The following NTRK3 variants were observed in gnomAD, a reference collection of about 807,000 sequenced individuals.
NTRK3 encodes the protein neurotrophic receptor tyrosine kinase 3.
Under a neutral mutation model 91.7 loss-of-function variants are expected in NTRK3, and 24 were observed. The observed-to-expected ratio is 0.26, with a 90% confidence interval of 0.19 to 0.37. The LOEUF (loss-of-function observed/expected upper bound fraction) is 0.37. NTRK3 is among the 10% of genes least tolerant of loss of function. The pLI, the probability that NTRK3 is intolerant of heterozygous loss-of-function variation, is 1.00. For synonymous variants in NTRK3, 483 were observed against 404.0 expected (o/e 1.20, Z -2.34); for missense variants, 880 against 1,068.9 (o/e 0.82, Z 2.46).
At chr15:88,003,632 C>A (rs188957784) in intron 14 of NTRK3, among the ~76,000 whole-genome samples, 1 of 152,284 alleles carries the variant, frequency 6.6e-6, no homozygotes, top group East Asian at 1.9e-4. Context: ...CTAACTACTA[C>A]AATGCACTGC....
At chr15:87,885,381 G>T (rs1028055212) in intron 17 of NTRK3, among the ~76,000 whole-genome samples, 5 of 151,770 alleles carry the variant, frequency 3.3e-5, no homozygotes, top group African/African-American at 1.2e-4. Flanking sequence ...CAAATGAAAT[G>T]GTGTATGGAA....
chr15:88,219,037 C>T (rs536432532), intron 3 of NTRK3, among the ~76,000 whole-genome samples: 2 of 152,348 alleles, frequency 1.3e-5, no homozygotes, highest in East Asian at 1.9e-4. Context: ...GCAACAATGA[C>T]AGGAGACGAC....
chr15:87,929,020 A>G, intron 17 of NTRK3, 171 bp downstream of exon 17: 1 of 832,060 alleles, frequency 1.2e-6, no homozygotes, highest in Non-Finnish European at 1.9e-6. Flanking sequence ...AACATAATAA[A>G]CAGGTATGTC....
chr15:88,044,737 G>A (rs964171230), intron 13 of NTRK3, among the ~76,000 whole-genome samples: 4 of 152,126 alleles, frequency 2.6e-5, no homozygotes, highest in African/African-American at 9.7e-5. Flanking sequence ...TCTTCTTCCA[G>A]GCCATTCTGA....
Position 88,233,457 on chromosome 15 carries a change from C to A in NTRK3, c.248+22449G>T, listed in dbSNP as rs181967576. Among the ~76,000 whole-genome samples, 1 of 152,208 alleles carries A rather than the reference C, an allele frequency of 6.6e-6. No homozygotes were observed. The highest frequency in any genetic ancestry group is 1.9e-4 in the East Asian group (1 of 5,166). Reference sequence around the variant, plus strand: ...AGCATCCTGGGGAGAAGTGGCACCCCACGAAAGTTAGCACACTGAAACCAC... The same window carrying A: ...AGCATCCTGGGGAGAAGTGGCACCCAACGAAAGTTAGCACACTGAAACCAC... On this transcript the variant is annotated intron_variant, in intron 3 of 18. Coordinates refer to ENST00000394480, the Ensembl canonical transcript of NTRK3. This position sits in a 1 kb window ranked among gnomAD's most constrained non-coding sequence, Gnocchi z 4.2.
chr15:88,254,241 A>C lies in NTRK3; in HGVS notation c.248+1665T>G, dbSNP rs150479637. ...CATACACATACAGCCCCAGCAATGC[A>C]CTTCCAAGTCTGAGTTTCCCTAACA... is the stretch of plus-strand genomic sequence containing the variant. On this transcript the variant is annotated intron_variant, in intron 3 of 18. Coordinates refer to ENST00000394480, the Ensembl canonical transcript of NTRK3. Among the ~76,000 whole-genome samples the C allele has an allele frequency of 4.4e-3, 667 of 152,150 alleles. 7 individuals carry two copies. Among genetic ancestry groups the C allele is most frequent in the African/African-American group, 0.015 (635 of 41,528 alleles).
chr15:87,937,061 C>T (rs540856611), intron 15 of NTRK3, among the ~76,000 whole-genome samples: 14 of 152,312 alleles, frequency 9.2e-5, no homozygotes, highest in Admixed American at 2.6e-4. Flanking sequence ...GCCTTTGCTC[C>T]TCCTTTTGCC....
intron 14 of NTRK3, among the ~76,000 whole-genome samples, chr15:87,953,289 T>C (rs1567147291): frequency 6.6e-6 from 1 of 152,188 alleles, no homozygotes; most frequent in Non-Finnish European, 1.5e-5. Flanking sequence ...ATCAGGTCCA[T>C]GTGTGTTCAC....
At chr15:88,051,477 T>A (rs1262017549) in intron 13 of NTRK3, among the ~76,000 whole-genome samples, 2 of 152,214 alleles carry the variant, frequency 1.3e-5, no homozygotes, top group Non-Finnish European at 2.9e-5. Context: ...TCCTCTTGAC[T>A]AAGAAAAGGC....
intron 13 of NTRK3, among the ~76,000 whole-genome samples, chr15:88,097,330 C>G (rs2049715168): frequency 6.6e-6 from 1 of 152,062 alleles, no homozygotes. Context: ...ACAAATGTAC[C>G]AGAGGACTAT....
chr15:88,106,189 A>C (rs1362743060), intron 13 of NTRK3, among the ~76,000 whole-genome samples: 11 of 152,186 alleles, frequency 7.2e-5, no homozygotes, highest in Non-Finnish European at 1.6e-4. Context: ...CATAATTGCT[A>C]ATGGATGCAG....
intron 5 of NTRK3, among the ~76,000 whole-genome samples, chr15:88,170,933 T>C (rs918418683): frequency 4.6e-5 from 7 of 152,128 alleles, no homozygotes; most frequent in African/African-American, 1.7e-4. Flanking sequence ...AGTGGTGCCT[T>C]CCACCCCAGG....
At chr15:88,049,700 A>C (rs541322529) in intron 13 of NTRK3, among the ~76,000 whole-genome samples, 2 of 152,336 alleles carry the variant, frequency 1.3e-5, no homozygotes, top group East Asian at 3.9e-4. Context: ...GAATCAGGGG[A>C]TTCCTCCCAA....
chr15:87,929,063 A>G, intron 17 of NTRK3, 128 bp downstream of exon 17: 1 of 1,371,914 alleles, frequency 7.3e-7, no homozygotes, highest in Non-Finnish European at 1.0e-6. Flanking sequence ...ATAACTGTTG[A>G]GTGCATGTCT....
intron 15 of NTRK3, among the ~76,000 whole-genome samples, chr15:87,933,667 C>T (rs2069004392): frequency 6.6e-6 from 1 of 152,240 alleles, no homozygotes; most frequent in African/African-American, 2.4e-5. Context: ...AATAAAATAT[C>T]CTTGTCTTTT....
At chr15:88,202,721 A>G (rs982348885) in intron 3 of NTRK3, among the ~76,000 whole-genome samples, 1 of 152,194 alleles carries the variant, frequency 6.6e-6, no homozygotes, top group Non-Finnish European at 1.5e-5. Flanking sequence ...TCCTGGAGAG[A>G]AGGATGTTGC....
At chr15:88,223,815 T>C (rs1010365948) in intron 3 of NTRK3, among the ~76,000 whole-genome samples, 2 of 152,106 alleles carry the variant, frequency 1.3e-5, no homozygotes, top group African/African-American at 4.8e-5. Context: ...GCAGAAGACT[T>C]AGAAAGTTCG....
At chr15:88,179,712 C>T (rs550052537) in intron 5 of NTRK3, among the ~76,000 whole-genome samples, 7 of 152,312 alleles carry the variant, frequency 4.6e-5, no homozygotes, top group African/African-American at 1.4e-4. Flanking sequence ...TTCAATAATG[C>T]TGGTGGAGGA....
intron 6 of NTRK3, among the ~76,000 whole-genome samples, chr15:88,138,330 A>C (rs2042070709): frequency 6.6e-6 from 1 of 152,052 alleles, no homozygotes; most frequent in African/African-American, 2.4e-5. Context: ...GAATGGCGTG[A>C]ACCCAGGAGG....
Sources: gnomAD v4.1 joint callset for allele counts (sites outside exome capture counted in the v4.1 genomes callset) on GRCh38, gnomAD v4.1.1 for gene constraint, Gnocchi (gnomAD v3.1) non-coding constraint, MANE v1.5 for transcripts, NCBI Gene and HGNC (gene_info 2026-07-23, HGNC 2026-07-21) for gene names.